Variants in CYP4F3 observed in about 807,000 individuals in gnomAD.
CYP4F3 encodes cytochrome P450 family 4 subfamily F member 3.
A neutral mutation model predicts 54.8 loss-of-function variants in CYP4F3; 50 were observed. The observed-to-expected ratio is 0.91, with a 90% CI of 0.73 to 1.16. CYP4F3 has a LOEUF of 1.16. Among genes scored for constraint, CYP4F3 ranks in the 50% most tolerant of loss-of-function variants. The pLI, the probability that CYP4F3 is intolerant of heterozygous loss-of-function variation, is 0.00. For synonymous variants in CYP4F3, 244 were observed against 262.6 expected (o/e 0.93, Z 0.69); for missense variants, 715 against 676.2 (o/e 1.06, Z -0.64).
In CYP4F3 at chr19:15,662,509, A is replaced by G. The variant is rs1017910893; in HGVS notation, c.*3124A>G. 6.6e-6 allele frequency: 1 copy of G among 151,776 alleles called. No individual in the cohort carries two copies. The highest frequency in any genetic ancestry group is 2.1e-4 in the South Asian group (1 of 4,818). 9.4% of individuals were successfully genotyped at this position (151,776 alleles called of 1,614,324 possible). ...CTTCAACTACATTTTTTCCCCAATA[A>G]TTTTTGGCTATTCTGCTTCCTTTGT... is the stretch of plus-strand genomic sequence containing the variant. On this transcript the variant is annotated 3_prime_UTR_variant, in exon 13 of 13. Coordinates refer to ENST00000221307, the MANE Select transcript of CYP4F3 (RefSeq NM_000896.3).
chr19:15,653,041 GA>G, intron 9 of CYP4F3, 89 bp downstream of exon 9: 3 of 1,502,534 alleles, frequency 2.0e-6, no homozygotes, highest in Non-Finnish European at 8.9e-7. Context: ...TGTTTTTGTT[GA>G]TTCTGCCACT....
At chr19:15,652,507 C>T in intron 7 of CYP4F3, 62 bp from the exon 8 acceptor site, 5 of 1,601,816 alleles carry the variant, frequency 3.1e-6, no homozygotes, top group Non-Finnish European at 4.3e-6. Context: ...GACTCAAGAG[C>T]CCTCAGAGGT....
At position 15,650,666 on chromosome 19, in the gene CYP4F3, TTCTTTC is replaced by T. The variant is rs1195971990; in HGVS notation, c.918+485_918+490del. Among the ~76,000 whole-genome samples, 152 of 32,444 alleles carry T rather than the reference TTCTTTC, an allele frequency of 4.7e-3. 41 individuals carry two copies. Among genetic ancestry groups the T allele is most frequent in the African/African-American group, 6.8e-3 (49 of 7,208 alleles). The allele number at this position is 32,444 out of a possible 152,430, so 21.3% of individuals were successfully genotyped here. A position where few individuals can be genotyped will look rare whatever the true frequency, so the allele number is the denominator to read the frequency against. On this transcript the variant is annotated intron_variant, in intron 7 of 12. Transcript: ENST00000221307. ...CCCTCCCTCCCTGCCTTCTTTTTCT[TTCTTTC>T]TTTCTTTCTTTCTTTCTTTCTTTCT...
chr19:15,648,578 A>G (rs532850893), intron 5 of CYP4F3, among the ~76,000 whole-genome samples: 2 of 152,298 alleles, frequency 1.3e-5, no homozygotes, highest in African/African-American at 2.4e-5. Flanking sequence ...TTTATAATCA[A>G]TTTATAACTG....
chr19:15,650,508 T>C (rs1972763328), intron 7 of CYP4F3, among the ~76,000 whole-genome samples: 2 of 152,236 alleles, frequency 1.3e-5, no homozygotes, highest in Admixed American at 1.3e-4. Flanking sequence ...TTCTGTATCT[T>C]TGTCTCTGAG....
chr19:15,653,166 ATTG>A (rs1170834764), intron 9 of CYP4F3, among the ~76,000 whole-genome samples: 32 of 152,132 alleles, frequency 2.1e-4, no homozygotes, highest in Admixed American at 1.5e-3. Flanking sequence ...TTCTGAGAGA[ATTG>A]TTGATGATAT....
At chr19:15,653,573 G>A (rs1972925506) in intron 9 of CYP4F3, among the ~76,000 whole-genome samples, 2 of 152,134 alleles carry the variant, frequency 1.3e-5, no homozygotes, top group South Asian at 2.1e-4. Context: ...AGCCCACGTG[G>A]GCAGGGATGG....
chr19:15,649,128 C>G (rs577159936), intron 5 of CYP4F3, 32 bp from the exon 6 acceptor site: 28 of 1,611,950 alleles, frequency 1.7e-5, no homozygotes, highest in Non-Finnish European at 2.1e-5. Flanking sequence ...GAGCAAGGGA[C>G]CTGCCCCAGC....
chr19:15,646,099 A>G (rs1247180585), intron 3 of CYP4F3, among the ~76,000 whole-genome samples: 2 of 152,166 alleles, frequency 1.3e-5, no homozygotes, highest in African/African-American at 2.4e-5. Flanking sequence ...AGTCTGCTGT[A>G]CGGCTACGTC....
At chr19:15,656,850 T>G (rs1973041360) in intron 9 of CYP4F3, among the ~76,000 whole-genome samples, 1 of 152,190 alleles carries the variant, frequency 6.6e-6, no homozygotes, top group Non-Finnish European at 1.5e-5. Flanking sequence ...TTCTTGCTGT[T>G]TTACATGTAC....
chr19:15,659,550 A>C lies in CYP4F3; in HGVS notation c.*165A>C, dbSNP rs2144681317. On this transcript the variant is annotated 3_prime_UTR_variant, in exon 13 of 13. Transcript: ENST00000221307. ...CAAACAGAAAGACGCTTGTGCGTGA[A>C]TGTTCATGGCAGCCCTATTCACAGT... 1 of 1,215,916 alleles carries C rather than the reference A, an allele frequency of 8.2e-7. No homozygotes were observed. Among genetic ancestry groups the C allele is most frequent in the South Asian group, 1.7e-5 (1 of 59,780 alleles). 75.3% of individuals were successfully genotyped at this position (1,215,916 alleles called of 1,614,324 possible).
In CYP4F3 at chr19:15,641,643, T is replaced by G. The variant is rs1397370972; in HGVS notation, c.198+30T>G. 3.7e-6 allele frequency: 6 copies of G among 1,603,866 alleles called. No individual in the cohort carries two copies. The East Asian group carries it at 1.4e-4, about 36-fold the overall frequency. The stretch of plus-strand genomic sequence containing the variant: ...GTGTGGCAGCAGGACGGGTCTGGGG[T>G]CTCAGGGTGGATGGACTTCCTGAGG... On this transcript the variant is annotated intron_variant, in intron 2 of 12. Transcript: ENST00000221307.
intron 7 of CYP4F3, among the ~76,000 whole-genome samples, chr19:15,652,358 C>A (rs1972881333): frequency 6.6e-6 from 1 of 152,056 alleles, no homozygotes; most frequent in African/African-American, 2.4e-5. Flanking sequence ...CCATTAGGGA[C>A]CAAAGAAAAG....
chr19:15,644,268 C>A (rs977019168), intron 2 of CYP4F3, among the ~76,000 whole-genome samples: 1 of 152,146 alleles, frequency 6.6e-6, no homozygotes, highest in African/African-American at 2.4e-5. Flanking sequence ...TCTGGGCTGC[C>A]CTGGGGCCCC....
intron 9 of CYP4F3, among the ~76,000 whole-genome samples, chr19:15,654,311 T>G (rs543863719): frequency 2.0e-5 from 3 of 152,392 alleles, no homozygotes; most frequent in Admixed American, 1.3e-4. Context: ...TACATTCATA[T>G]AATTGATAAA....
intron 8 of CYP4F3, 42 bp downstream of exon 8, chr19:15,652,677 C>T: frequency 3.7e-6 from 6 of 1,613,892 alleles, no homozygotes; most frequent in Non-Finnish European, 3.4e-6. Flanking sequence ...ACTTGGATAT[C>T]TCCATTCCAG....
rs564591652 is a variant in CYP4F3 at position 15,641,414 on chromosome 19, G to T, written c.-1-1G>T. On this transcript the variant is annotated splice_acceptor_variant, in intron 1 of 12. Transcript: ENST00000221307. LOFTEE classifies it low-confidence loss of function (5UTR_SPLICE). Reference sequence around the variant, plus strand: ...CACTCACCACCCCATCTGCCCTGCAGGATGCCACAGCTGAGCCTGTCCTCG... The same window carrying T: ...CACTCACCACCCCATCTGCCCTGCATGATGCCACAGCTGAGCCTGTCCTCG... 3 of 1,614,022 alleles carry T rather than the reference G, an allele frequency of 1.9e-6. No homozygotes were observed. Among genetic ancestry groups the T allele is most frequent in the Middle Eastern group, 1.7e-4 (1 of 6,060 alleles).
chr19:15,652,775 G>A (rs755949961), intron 8 of CYP4F3, 48 bp from the exon 9 acceptor site: 32 of 1,600,838 alleles, frequency 2.0e-5, no homozygotes, highest in Admixed American at 3.4e-5. Context: ...GTACACCCTC[G>A]GGTGCTGAAG....
intron 5 of CYP4F3, among the ~76,000 whole-genome samples, chr19:15,648,744 C>A (rs1972700667): frequency 6.6e-6 from 1 of 152,136 alleles, no homozygotes; most frequent in South Asian, 2.1e-4. Flanking sequence ...GATGATGAAA[C>A]TGCAGGTCTG....
Sources: allele counts gnomAD v4.1 joint callset (sites outside exome capture counted in the v4.1 genomes callset), GRCh38; gene constraint gnomAD v4.1.1; transcripts MANE v1.5; gene names NCBI Gene and HGNC (gene_info 2026-07-23, HGNC 2026-07-21).